Variants in FRMD5 observed in about 807,000 individuals in gnomAD.
The protein encoded by FRMD5 is FERM domain-containing protein 5.
Under a neutral mutation model 69.0 loss-of-function variants are expected in FRMD5, and 20 were observed. The observed-to-expected ratio is 0.29, with a 90% confidence interval of 0.20 to 0.42. FRMD5 has a LOEUF of 0.42. Ranked by LOEUF, FRMD5 falls within the 10% of genes least tolerant of loss-of-function variation. The pLI, the probability that FRMD5 is intolerant of heterozygous loss-of-function variation, is 1.00. For missense variants in FRMD5, 595 were observed against 708.6 expected (o/e 0.84, Z 1.82); for synonymous variants, 271 against 260.1 (o/e 1.04, Z -0.40).
intron 1 of FRMD5, among the ~76,000 whole-genome samples, chr15:44,043,348 C>T (rs1451150110): frequency 6.6e-6 from 1 of 152,128 alleles, no homozygotes; most frequent in East Asian, 1.9e-4. Flanking sequence ...GGCCATACTG[C>T]CTAAAGTAAT....
At chr15:44,034,101 G>C (rs1891806852) in intron 1 of FRMD5, among the ~76,000 whole-genome samples, 1 of 152,182 alleles carries the variant, frequency 6.6e-6, no homozygotes, top group South Asian at 2.1e-4. Context: ...AGGCTGCTGA[G>C]TGGAAACTGT....
intron 1 of FRMD5, among the ~76,000 whole-genome samples, chr15:44,067,128 A>G (rs1431613512): frequency 1.3e-5 from 2 of 152,190 alleles, no homozygotes; most frequent in Non-Finnish European, 2.9e-5. Context: ...AAAAGAGTGA[A>G]AATACATGGA....
At chr15:44,162,281 T>A (rs75022005) in intron 1 of FRMD5, among the ~76,000 whole-genome samples, 14 of 114,188 alleles carry the variant, frequency 1.2e-4, no homozygotes, top group Non-Finnish European at 2.3e-4. Context: ...TTTTTTTTTT[T>A]AAGACAGATC....
chr15:44,188,381 C>G (rs1159132641), intron 1 of FRMD5, among the ~76,000 whole-genome samples: 1 of 152,194 alleles, frequency 6.6e-6, no homozygotes, highest in African/African-American at 2.4e-5. Context: ...CCTTCTTCAC[C>G]TCTCCCTCTC....
chr15:43,969,041 A>T (rs941371199), intron 1 of FRMD5, among the ~76,000 whole-genome samples: 1 of 152,104 alleles, frequency 6.6e-6, no homozygotes, highest in Non-Finnish European at 1.5e-5. Flanking sequence ...GAGGTAAGAA[A>T]ATAGTTTGTT....
chr15:44,006,526 T>C (rs1285629637), intron 1 of FRMD5, among the ~76,000 whole-genome samples: 1 of 152,236 alleles, frequency 6.6e-6, no homozygotes, highest in Non-Finnish European at 1.5e-5. Context: ...GTGATTCCTC[T>C]GATGGATCTA....
chr15:44,094,717 C>G (rs991272467), intron 1 of FRMD5, among the ~76,000 whole-genome samples: 3 of 152,056 alleles, frequency 2.0e-5, no homozygotes, highest in Non-Finnish European at 2.9e-5. Context: ...TATTTTGCAG[C>G]TAATATTCAC....
intron 1 of FRMD5, among the ~76,000 whole-genome samples, chr15:44,095,498 C>T (rs1328945969): frequency 6.6e-6 from 1 of 152,140 alleles, no homozygotes; most frequent in Non-Finnish European, 1.5e-5. Flanking sequence ...AGCCAACACG[C>T]CTGGCTTGAA....
At chr15:43,959,503 G>C (rs956719223) in intron 1 of FRMD5, among the ~76,000 whole-genome samples, 2 of 152,188 alleles carry the variant, frequency 1.3e-5, no homozygotes, top group Non-Finnish European at 2.9e-5. Context: ...AGCTGATTTA[G>C]ATTTTAATAG....
At position 43,874,150 on chromosome 15, in the gene FRMD5, C is replaced by G. The variant is rs749427036; in HGVS notation, c.1448G>C (p.Cys483Ser). Reference protein sequence around the residue: ...EALGGELRALCQGHSGPEEEQ... With the variant: ...EALGGELRALSQGHSGPEEEQ... Reference sequence around the variant, plus strand: ...CTCCTCGGGCCCGCTGTGCCCCTGACACAGGGCCCTCAGCTCTCCCCCAAG... The same window carrying G: ...CTCCTCGGGCCCGCTGTGCCCCTGAGACAGGGCCCTCAGCTCTCCCCCAAG... The change falls in exon 14 of 14, where the codon TGT becomes TCT. Residue 483 changes from cysteine (C) to serine (S), a missense_variant. Cys to Ser is a moderately radical substitution (Grantham distance 112). Transcript: ENST00000417257. The G allele has an allele frequency of 1.6e-5, 26 of 1,614,220 alleles. No individual in the cohort carries two copies. Among genetic ancestry groups the G allele is most frequent in the East Asian group, 1.1e-4 (5 of 44,880 alleles).
Position 44,097,391 on chromosome 15 carries a change from T to TG in FRMD5, c.102+97561dup, listed in dbSNP as rs1382294776. On this transcript the variant is annotated intron_variant, in intron 1 of 13. Coordinates refer to ENST00000417257, the MANE Select transcript of FRMD5 (RefSeq NM_032892.5). The stretch of plus-strand genomic sequence containing the variant: ...CTTGGGAGACTTCAGACAAGCAGTC[T>TG]GGGCCTTAGGGCTTATCTGGGTCAG... Among the ~76,000 whole-genome samples the TG allele has an allele frequency of 2.6e-5, 4 of 152,226 alleles. No homozygotes were observed. The East Asian group carries it at 7.7e-4, about 29-fold the overall frequency.
intron 1 of FRMD5, among the ~76,000 whole-genome samples, chr15:44,014,969 G>C (rs1036814323): frequency 2.6e-5 from 4 of 152,036 alleles, no homozygotes; most frequent in Non-Finnish European, 4.4e-5. Context: ...AGGTGGGTAT[G>C]GTTTATTAAA....
rs34063043 is a variant in FRMD5, at chr15:43,875,804, G to GTTTTTTTTTTTTTTTTTTTTTTTT, written c.1136-1343_1136-1342insAAAAAAAAAAAAAAAAAAAAAAAA. 4 of 210,660 alleles carry GTTTTTTTTTTTTTTTTTTTTTTTT rather than the reference G, an allele frequency of 1.9e-5. 1 individual carries two copies. The highest frequency in any genetic ancestry group is 9.6e-5 in the African/African-American group (2 of 20,938). 13.0% of individuals were successfully genotyped at this position (210,660 alleles called of 1,614,324 possible). A position where few individuals can be genotyped will look rare whatever the true frequency, so the allele number is the denominator to read the frequency against. On this transcript the variant is annotated intron_variant, in intron 13 of 13. Coordinates refer to ENST00000417257, the MANE Select transcript of FRMD5 (RefSeq NM_032892.5). ...TCTTGCCTTTGGTGTCCTGGGCCTA[G>GTTTTTTTTTTTTTTTTTTTTTTTT]TTTTTTTTTTTTTTTTTTTTTTTCT... is the stretch of plus-strand genomic sequence containing the variant.
intron 1 of FRMD5, among the ~76,000 whole-genome samples, chr15:43,926,673 A>G (rs185998839): frequency 2.0e-5 from 3 of 152,130 alleles, no homozygotes; most frequent in African/African-American, 7.2e-5. Flanking sequence ...AGACAGCTCA[A>G]CTACAGAAGG....
intron 1 of FRMD5, chr15:44,194,706 G>T: frequency 1.7e-6 from 1 of 590,558 alleles, no homozygotes; most frequent in Non-Finnish European, 3.0e-6. Context: ...GGGAGAGCAG[G>T]GTAGGACTTA....
chr15:44,170,588 T>C lies in FRMD5; in HGVS notation c.102+24365A>G, dbSNP rs182569575. On this transcript the variant is annotated intron_variant, in intron 1 of 13. Coordinates refer to ENST00000417257, the MANE Select transcript of FRMD5 (RefSeq NM_032892.5). The stretch of plus-strand genomic sequence containing the variant: ...TTTGTACATGGAAAGAAATCCCCGT[T>C]TCCCCATAATTTTTCCCATTCTGTA... Among the ~76,000 whole-genome samples the C allele has an allele frequency of 2.3e-3, 349 of 152,258 alleles. 2 individuals are homozygous for C. The highest frequency in any genetic ancestry group is 7.9e-3 in the African/African-American group (328 of 41,548).
At chr15:44,097,933 T>C (rs566611488) in intron 1 of FRMD5, among the ~76,000 whole-genome samples, 1 of 152,250 alleles carries the variant, frequency 6.6e-6, no homozygotes, top group African/African-American at 2.4e-5. Flanking sequence ...AGCTGCAGAA[T>C]GGCCTTTGAA....
intron 1 of FRMD5, among the ~76,000 whole-genome samples, chr15:44,096,268 G>A (rs1161840386): frequency 6.7e-6 from 1 of 150,328 alleles, no homozygotes; most frequent in Non-Finnish European, 1.5e-5. Flanking sequence ...AACTCAGGGT[G>A]ATCCATTTAA....
chr15:43,896,998 G>A (rs2088925665), intron 7 of FRMD5, among the ~76,000 whole-genome samples: 2 of 152,080 alleles, frequency 1.3e-5, no homozygotes, highest in Admixed American at 1.3e-4. Context: ...AGGAGGAGGA[G>A]GAGGAGGCAC....
Sources: gnomAD v4.1 joint callset for allele counts (sites outside exome capture counted in the v4.1 genomes callset) on GRCh38, gnomAD v4.1.1 for gene constraint, MANE v1.5 for transcripts, NCBI Gene and HGNC (gene_info 2026-07-23, HGNC 2026-07-21) for gene names.